HOXC4: variants seen among roughly 807,000 people sequenced by gnomAD.
The protein encoded by HOXC4 is homeobox C4.
HOXC4 carries 15 observed loss-of-function variants against 25.5 expected under a neutral mutation model. That is an observed-to-expected ratio of 0.59 (90% CI 0.39 to 0.91). HOXC4 has a LOEUF of 0.91. Among genes scored for constraint, HOXC4 ranks in the 40% least tolerant of loss-of-function variants. The probability of loss-of-function intolerance (pLI) is 0.00; values close to 1 mark genes in which losing one functional copy is unlikely to be tolerated. For synonymous variants in HOXC4, 165 were observed against 148.0 expected (o/e 1.11, Z -0.83); for missense variants, 342 against 352.4 (o/e 0.97, Z 0.24).
intron 1 of HOXC4, among the ~76,000 whole-genome samples, chr12:54,046,763 T>C (rs978567891): frequency 7.2e-5 from 11 of 152,232 alleles, no homozygotes; most frequent in Non-Finnish European, 1.3e-4. Flanking sequence ...TCTTCCCCTT[T>C]CTCTCCCCAC....
chr12:54,040,895 G>A (rs371351073), intron 1 of HOXC4, among the ~76,000 whole-genome samples: 4 of 152,322 alleles, frequency 2.6e-5, no homozygotes, highest in African/African-American at 9.6e-5. Flanking sequence ...TTTTTTGAAA[G>A]TTCTGATTGG....
intron 1 of HOXC4, among the ~76,000 whole-genome samples, chr12:54,026,954 C>T (rs544464973): frequency 2.9e-5 from 3 of 104,688 alleles, no homozygotes; most frequent in African/African-American, 7.1e-5. Flanking sequence ...CCCAACCCAC[C>T]CAAAAATGGT....
chr12:54,040,960 A>G (rs976216468), intron 1 of HOXC4, among the ~76,000 whole-genome samples: 8 of 152,224 alleles, frequency 5.3e-5, no homozygotes, highest in African/African-American at 1.9e-4. Context: ...GAAAGGAATG[A>G]GCACAGAGAA....
chr12:54,044,967 A>G (rs1937669499), intron 1 of HOXC4, among the ~76,000 whole-genome samples: 1 of 152,176 alleles, frequency 6.6e-6, no homozygotes, highest in Non-Finnish European at 1.5e-5. Flanking sequence ...GGAAGCTTTC[A>G]GGCCCAGGCA....
chr12:54,055,061 C>T lies in HOXC4; in HGVS notation c.651C>T (p.Leu217=), dbSNP rs139130458. 1.2e-5 allele frequency: 19 copies of T among 1,613,594 alleles called. No homozygotes were observed. The highest frequency in any genetic ancestry group is 1.5e-5 in the Non-Finnish European group (18 of 1,179,918). The change falls in exon 2 of 2, where the codon CTC becomes CTT. Residue 217 remains leucine (L), a synonymous_variant. Coordinates refer to ENST00000430889, the MANE Select transcript of HOXC4 (RefSeq NM_153633.3). ...RRMKWKKDHR[L]PNTKVRSAPP... Reference sequence around the variant, plus strand: ...TGAAATGGAAGAAGGACCACCGACTCCCCAACACCAAAGTCAGGTCAGCAC... The same window carrying T: ...TGAAATGGAAGAAGGACCACCGACTTCCCAACACCAAAGTCAGGTCAGCAC...
intron 1 of HOXC4, chr12:54,033,050 C>T (rs1043092789): frequency 7.9e-7 from 1 of 1,265,328 alleles, no homozygotes; most frequent in Non-Finnish European, 1.1e-6. Flanking sequence ...AACAAAAAAC[C>T]CCTCAACTTC....
rs150750843 is a variant in HOXC4 at position 54,032,779 on chromosome 12, C to G, written c.-124+15365C>G. The G allele has an allele frequency of 3.5e-3, 608 of 173,040 alleles. 3 individuals are homozygous for G. The highest frequency in any genetic ancestry group is 4.9e-3 in the Non-Finnish European group (402 of 81,580). 10.7% of individuals were successfully genotyped at this position (173,040 alleles called of 1,614,324 possible). A position where few individuals can be genotyped will look rare whatever the true frequency, so the allele number is the denominator to read the frequency against. Reference sequence around the variant, plus strand: ...GCTGTGGGCTTGTTGTCCCGGCTACCCCCAATTCCAAGAACCTTTTTTTTT... The same window carrying G: ...GCTGTGGGCTTGTTGTCCCGGCTACGCCCAATTCCAAGAACCTTTTTTTTT... On this transcript the variant is annotated intron_variant, in intron 1 of 3. Transcript: ENST00000303406.
At chr12:54,017,824 G>A (rs1940224512) in intron 1 of HOXC4, among the ~76,000 whole-genome samples, 1 of 152,332 alleles carries the variant, frequency 6.6e-6, no homozygotes, top group African/African-American at 2.4e-5. Flanking sequence ...AGAGAACTTA[G>A]AGGCTGTGCC....
intron 1 of HOXC4, among the ~76,000 whole-genome samples, chr12:54,025,765 G>A (rs899840044): frequency 2.3e-4 from 35 of 151,884 alleles, no homozygotes; most frequent in African/African-American, 6.8e-4. Context: ...CTCTCAGGTC[G>A]CCAACCTCCC....
rs910672367 is a variant in HOXC4 at position 54,029,070 on chromosome 12, C to T, written c.-124+11656C>T. The T allele has an allele frequency of 3.8e-6, 3 of 788,680 alleles. No individual in the cohort carries two copies. In the Admixed American group the frequency reaches 8.7e-5, roughly 23 times the overall value. 48.9% of individuals were successfully genotyped at this position (788,680 alleles called of 1,614,324 possible). ...CACCGAGACAGGGCCCCCTCTTCTG[C>T]CCCCTCAGCTCGCCTCTCGCTCGCT... On this transcript the variant is annotated intron_variant, in intron 1 of 3. Transcript: ENST00000303406.
upstream of HOXC4, among the ~76,000 whole-genome samples, chr12:54,049,205 C>T (rs573702221): frequency 4.1e-4 from 63 of 152,266 alleles, no homozygotes; most frequent in African/African-American, 1.4e-3. Flanking sequence ...TTTCCCCTTC[C>T]ACATTATAAC....
chr12:54,054,792 G>T (rs1187958191), intron 1 of HOXC4, 58 bp from the exon 2 acceptor site: 1 of 683,334 alleles, frequency 1.5e-6, no homozygotes, highest in Non-Finnish European at 2.3e-6. Context: ...GGGTGAGGGT[G>T]GGGGGCGGGG....
intron 1 of HOXC4, among the ~76,000 whole-genome samples, chr12:54,043,869 C>G (rs985221528): frequency 1.3e-5 from 2 of 151,036 alleles, no homozygotes; most frequent in Non-Finnish European, 2.9e-5. Context: ...TAAATCTTGT[C>G]TAGTAAATAC....
At chr12:54,043,824 A>C (rs1417232479) in intron 1 of HOXC4, among the ~76,000 whole-genome samples, 1 of 151,990 alleles carries the variant, frequency 6.6e-6, no homozygotes, top group African/African-American at 2.4e-5. Flanking sequence ...TCAAACTCCA[A>C]ACTCCTCAGG....
At chr12:54,034,078 G>C (rs1042347099) in intron 1 of HOXC4, 6 of 713,786 alleles carry the variant, frequency 8.4e-6, no homozygotes, top group African/African-American at 5.2e-5. Context: ...TGAAGGCTGC[G>C]GTGGAAAGTT....
chr12:54,048,940 G>A (rs1937781858), upstream of HOXC4, among the ~76,000 whole-genome samples: 1 of 152,178 alleles, frequency 6.6e-6, no homozygotes, highest in Admixed American at 6.5e-5. Context: ...CTGCCGCACA[G>A]CAAGGTTCCT....
intron 1 of HOXC4, among the ~76,000 whole-genome samples, chr12:54,025,137 T>C (rs1419125812): frequency 6.6e-6 from 1 of 152,168 alleles, no homozygotes; most frequent in Non-Finnish European, 1.5e-5. Context: ...TTTAGGCTCG[T>C]TTTATAGAAA....
intron 1 of HOXC4, among the ~76,000 whole-genome samples, chr12:54,031,306 A>G (rs73313197): frequency 0.048 from 7,279 of 152,294 alleles, 593 homozygotes; most frequent in African/African-American, 0.17. Context: ...TGCGAAACGT[A>G]GCGGAGGCGG....
intron 1 of HOXC4, chr12:54,022,516 T>C (rs1049689256): frequency 1.3e-5 from 2 of 152,276 alleles, no homozygotes; most frequent in Admixed American, 1.3e-4. Context: ...TCCCAGTCTC[T>C]CTCTCTCTCT....
Sources: allele counts gnomAD v4.1 joint callset (sites outside exome capture counted in the v4.1 genomes callset), GRCh38; gene constraint gnomAD v4.1.1; transcripts MANE v1.5; gene names NCBI Gene and HGNC (gene_info 2026-07-23, HGNC 2026-07-21).